KIF16B: variants seen among roughly 807,000 people sequenced by gnomAD.
KIF16B encodes kinesin family member 16B, also known as kinesin-like protein KIF16B.
Under a neutral mutation model 156.3 loss-of-function variants are expected in KIF16B, and 98 were observed. The observed-to-expected ratio is 0.63, with a 90% CI of 0.53 to 0.74. The LOEUF is 0.74. Ranked by LOEUF, KIF16B falls within the 30% of genes least tolerant of loss-of-function variation. The pLI is 0.00. For synonymous variants in KIF16B, 564 were observed against 583.7 expected (o/e 0.97, Z 0.49); for missense variants, 1,421 against 1,606.5 (o/e 0.88, Z 1.97).
At chr20:16,327,095 A>ACT (rs1406085551) in intron 24 of KIF16B, among the ~76,000 whole-genome samples, 1 of 140,614 alleles carries the variant, frequency 7.1e-6, no homozygotes, top group African/African-American at 2.6e-5. Flanking sequence ...ACACACACAC[A>ACT]CACACACCAT....
At chr20:16,570,889 C>G (rs919492006) in intron 1 of KIF16B, among the ~76,000 whole-genome samples, 11 of 152,166 alleles carry the variant, frequency 7.2e-5, no homozygotes, top group African/African-American at 2.7e-4. Context: ...TTTCTTCTCA[C>G]GTAACATCCT....
intron 23 of KIF16B, among the ~76,000 whole-genome samples, chr20:16,339,014 C>A (rs377089159): frequency 1.1e-4 from 17 of 152,062 alleles, no homozygotes; most frequent in African/African-American, 3.9e-4. Flanking sequence ...GAGTGGCAGA[C>A]GGAAGGGAAA....
chr20:16,504,404 T>A lies in KIF16B; in HGVS notation c.1144A>T (p.Arg382Ter). 1 of 1,614,120 alleles carries A rather than the reference T, an allele frequency of 6.2e-7. No individual in the cohort carries two copies. The highest frequency in any genetic ancestry group is 8.5e-7 in the Non-Finnish European group (1 of 1,179,984). The change falls in exon 10 of 26, where the codon AGA becomes TGA. Residue 382 changes from arginine (R) to a stop codon, truncating the protein, a stop_gained. Transcript: ENST00000354981. LOFTEE classifies it high-confidence loss of function. ...LIRELRAEIARLKTLLAQGNQ... is the reference protein window; with the variant it reads ...LIRELRAEIA ...CCTTGAGCAAGCAGCGTTTTCAGTC[T>A]GGCTATTTCAGCTCGCAGCTCACGG...
At chr20:16,361,528 C>T (rs79712938) in intron 22 of KIF16B, among the ~76,000 whole-genome samples, 2,390 of 152,272 alleles carry the variant, frequency 0.016, 71 homozygotes, top group African/African-American at 0.055. Context: ...TTTGCCAAGA[C>T]GTGGCCATAT....
At chr20:16,431,964 G>A (rs1312207776) in intron 12 of KIF16B, among the ~76,000 whole-genome samples, 2 of 144,128 alleles carry the variant, frequency 1.4e-5, no homozygotes, top group Non-Finnish European at 3.0e-5. Context: ...CCTGTCCTCT[G>A]GCTAGAATGT....
In KIF16B at chr20:16,273,010, G is replaced by T; in HGVS notation, c.*243C>A. 1 of 468,564 alleles carries T rather than the reference G, an allele frequency of 2.1e-6. No individual in the cohort carries two copies. Among genetic ancestry groups the T allele is most frequent in the Non-Finnish European group, 3.9e-6 (1 of 258,812 alleles). 29.0% of individuals were successfully genotyped at this position (468,564 alleles called of 1,614,324 possible). ...TGAGAAGGAAGCACTGTGGGAAAAG[G>T]CCACGTTCAACCGCAATGGAACGGT... On this transcript the variant is annotated 3_prime_UTR_variant, in exon 26 of 26. Coordinates refer to ENST00000354981, the MANE Select transcript of KIF16B (RefSeq NM_024704.5).
intron 25 of KIF16B, among the ~76,000 whole-genome samples, chr20:16,290,642 G>A (rs2063301229): frequency 6.6e-6 from 1 of 152,228 alleles, no homozygotes; most frequent in Non-Finnish European, 1.5e-5. Flanking sequence ...TGAGTGTCCA[G>A]AAACTGCCCT....
At chr20:16,433,364 A>C (rs879393507) in intron 12 of KIF16B, among the ~76,000 whole-genome samples, 169 of 151,672 alleles carry the variant, frequency 1.1e-3, no homozygotes, top group Non-Finnish European at 1.6e-3. Context: ...CCCCACCCCC[A>C]AAAATGCAAT....
In KIF16B at chr20:16,506,127, C is replaced by T. The variant is rs767345387; in HGVS notation, c.763G>A (p.Gly255Arg). ...VSKIHLVDLA[G>R]SERADATGAT... Reference sequence around the variant, plus strand: ...CCGGTGGCATCTGCACGCTCACTTCCGGCAAGATCAACCAAGTGGATCTTA... The same window carrying T: ...CCGGTGGCATCTGCACGCTCACTTCTGGCAAGATCAACCAAGTGGATCTTA... The change falls in exon 8 of 26, where the codon GGA (glycine) becomes AGA (arginine). Residue 255 changes from glycine (G) to arginine (R), a missense_variant. Physicochemically the swap from Gly to Arg is moderately radical, Grantham distance 125 (BLOSUM62 -2). Coordinates refer to ENST00000354981, the MANE Select transcript of KIF16B (RefSeq NM_024704.5). 43 of 1,613,924 alleles carry T rather than the reference C, an allele frequency of 2.7e-5. No individual in the cohort carries two copies. Among genetic ancestry groups the T allele is most frequent in the Admixed American group, 3.3e-5 (2 of 59,998 alleles).
chr20:16,545,253 G>A (rs774723115), intron 1 of KIF16B, among the ~76,000 whole-genome samples: 16 of 152,092 alleles, frequency 1.1e-4, no homozygotes, highest in South Asian at 2.1e-4. Context: ...AATTTAGGCC[G>A]GGTGCAGTGG....
intron 6 of KIF16B, 133 bp downstream of exon 6, chr20:16,511,285 C>T (rs1021363259): frequency 2.9e-5 from 14 of 481,286 alleles, no homozygotes; most frequent in Middle Eastern, 4.1e-4. Flanking sequence ...CAGCTCATGA[C>T]ATTCTTACTA....
At chr20:16,396,293 CCT>C (rs2065499379) in intron 17 of KIF16B, among the ~76,000 whole-genome samples, 2 of 152,218 alleles carry the variant, frequency 1.3e-5, no homozygotes, top group African/African-American at 2.4e-5. Flanking sequence ...CCATCCCCCT[CCT>C]CTGTCCCTGT....
chr20:16,314,374 G>C (rs576626941), intron 24 of KIF16B, among the ~76,000 whole-genome samples: 2 of 152,368 alleles, frequency 1.3e-5, no homozygotes, highest in African/African-American at 4.8e-5. Context: ...AAGTTGGGCA[G>C]ATGTTTGTCT....
chr20:16,341,296 G>C (rs957549713), intron 23 of KIF16B, among the ~76,000 whole-genome samples: 17 of 152,288 alleles, frequency 1.1e-4, no homozygotes, highest in Admixed American at 1.1e-3. Flanking sequence ...TAGTTGGTTT[G>C]CTTAAAGTTG....
At chr20:16,370,685 G>A (rs1486380942) in intron 21 of KIF16B, 49 bp from the exon 22 acceptor site, 23 of 1,359,922 alleles carry the variant, frequency 1.7e-5, no homozygotes, top group East Asian at 2.4e-5. Context: ...GCAAGTTCAC[G>A]GGGCGGGGGA....
intron 24 of KIF16B, among the ~76,000 whole-genome samples, chr20:16,321,201 A>G (rs190504505): frequency 1.3e-5 from 2 of 152,248 alleles, no homozygotes; most frequent in Non-Finnish European, 2.9e-5. Flanking sequence ...TCATATTTAT[A>G]GAATCATTTT....
chr20:16,327,452 A>G (rs2063875392), intron 24 of KIF16B, among the ~76,000 whole-genome samples: 1 of 152,122 alleles, frequency 6.6e-6, no homozygotes, highest in Admixed American at 6.6e-5. Context: ...ATTGAAATAA[A>G]AAAAAAATCA....
chr20:16,323,750 C>A (rs1312788347), intron 24 of KIF16B, among the ~76,000 whole-genome samples: 1 of 151,846 alleles, frequency 6.6e-6, no homozygotes, highest in Non-Finnish European at 1.5e-5. Flanking sequence ...AGACAGAATT[C>A]ATTGTTGGTG....
At chr20:16,556,318 C>T (rs995013088) in intron 1 of KIF16B, among the ~76,000 whole-genome samples, 6 of 152,198 alleles carry the variant, frequency 3.9e-5, no homozygotes, top group Non-Finnish European at 7.3e-5. Flanking sequence ...ATTCTCACAC[C>T]GCTCTGCCAT....
Sources: gnomAD v4.1 joint callset for allele counts (sites outside exome capture counted in the v4.1 genomes callset) on GRCh38, gnomAD v4.1.1 for gene constraint, MANE v1.5 for transcripts, NCBI Gene and HGNC (gene_info 2026-07-23, HGNC 2026-07-21) for gene names.